CPNE4: variants seen among roughly 807,000 people sequenced by gnomAD.
CPNE4 encodes copine 4, also known as copine-4.
In CPNE4, 25 loss-of-function variants were observed where a neutral mutation model predicts 67.9. The ratio of observed to expected loss-of-function variants is 0.37; its 90% confidence interval spans 0.27 to 0.51. The LOEUF (loss-of-function observed/expected upper bound fraction) is 0.51. Ranked by LOEUF, CPNE4 falls within the 20% of genes least tolerant of loss-of-function variation. The pLI is 0.93. For synonymous variants in CPNE4, 242 were observed against 244.9 expected (o/e 0.99, Z 0.11); for missense variants, 464 against 690.8 (o/e 0.67, Z 3.68).
intron 1 of CPNE4, among the ~76,000 whole-genome samples, chr3:131,966,318 G>A (rs150059301): frequency 0.023 from 3,517 of 152,032 alleles, 135 homozygotes; most frequent in African/African-American, 0.079. Flanking sequence ...AAGAACTAGA[G>A]AAGCAAGAGC....
At chr3:131,793,684 C>A (rs1458061162) in intron 2 of CPNE4, among the ~76,000 whole-genome samples, 1 of 152,192 alleles carries the variant, frequency 6.6e-6, no homozygotes, top group Non-Finnish European at 1.5e-5. Context: ...GCTATTTCCT[C>A]TTTCTGGAAT....
At chr3:131,851,397 C>T (rs1353800076) in intron 2 of CPNE4, among the ~76,000 whole-genome samples, 3 of 151,768 alleles carry the variant, frequency 2.0e-5, no homozygotes, top group African/African-American at 4.8e-5. Flanking sequence ...CAGTTGGGCA[C>T]AGGAAATATA....
intron 7 of CPNE4, among the ~76,000 whole-genome samples, chr3:131,655,894 C>A (rs1455426721): frequency 6.6e-6 from 1 of 152,070 alleles, no homozygotes; most frequent in African/African-American, 2.4e-5. Flanking sequence ...TTCAAAGAAG[C>A]AAAGTACTAA....
chr3:131,542,408 G>C (rs1458497377), intron 15 of CPNE4, 149 bp downstream of exon 15: 4 of 684,930 alleles, frequency 5.8e-6, no homozygotes, highest in African/African-American at 3.5e-5. Context: ...GCTAAGCCAG[G>C]TCATCTCCCA....
chr3:131,549,110 T>A (rs1036510591), intron 14 of CPNE4, among the ~76,000 whole-genome samples: 1 of 152,126 alleles, frequency 6.6e-6, no homozygotes, highest in African/African-American at 2.4e-5. Flanking sequence ...AATTCAGAGA[T>A]GTGCTCAAGT....
chr3:131,808,145 ACT>A (rs1460133291), intron 2 of CPNE4, among the ~76,000 whole-genome samples: 2 of 152,064 alleles, frequency 1.3e-5, no homozygotes, highest in Non-Finnish European at 2.9e-5. Context: ...AGGTATAAGG[ACT>A]CTACCCCAGA....
intron 1 of CPNE4, among the ~76,000 whole-genome samples, chr3:131,918,734 C>T (rs984482086): frequency 6.6e-6 from 1 of 152,058 alleles, no homozygotes; most frequent in African/African-American, 2.4e-5. Context: ...TGTAACAGGA[C>T]ATTTTAGAGC....
At chr3:131,760,246 G>T (rs2082854248) in intron 2 of CPNE4, among the ~76,000 whole-genome samples, 1 of 152,122 alleles carries the variant, frequency 6.6e-6, no homozygotes, top group Non-Finnish European at 1.5e-5. Flanking sequence ...ATTATGAGAG[G>T]AAAGAAGACT....
At chr3:131,927,824 G>A (rs2070940669) in intron 1 of CPNE4, among the ~76,000 whole-genome samples, 1 of 152,184 alleles carries the variant, frequency 6.6e-6, no homozygotes, top group African/African-American at 2.4e-5. Context: ...GGACATAGAA[G>A]TAGCTGGATC....
intron 1 of CPNE4, among the ~76,000 whole-genome samples, chr3:131,975,587 C>T (rs1265957515): frequency 6.6e-6 from 1 of 152,108 alleles, no homozygotes; most frequent in Non-Finnish European, 1.5e-5. Flanking sequence ...TTCTGCAGGC[C>T]CTGAATGCCT....
intron 1 of CPNE4, among the ~76,000 whole-genome samples, chr3:132,005,372 C>CAT (rs1190299225): frequency 4.3e-5 from 2 of 46,974 alleles, no homozygotes; most frequent in Admixed American, 2.4e-4. Context: ...CACACACACA[C>CAT]ATATATGTTT....
upstream of CPNE4, among the ~76,000 whole-genome samples, chr3:132,036,186 A>G (rs1329752138): frequency 6.6e-6 from 1 of 152,322 alleles, no homozygotes; most frequent in East Asian, 1.9e-4. Flanking sequence ...CTAAACATGG[A>G]CCCTGGAAAG....
intron 14 of CPNE4, among the ~76,000 whole-genome samples, chr3:131,548,782 G>A (rs1936014154): frequency 1.3e-5 from 2 of 152,106 alleles, no homozygotes; most frequent in Non-Finnish European, 2.9e-5. Flanking sequence ...GCCATATCAG[G>A]GAATTTAGAT....
At chr3:131,753,802 A>G (rs1249661688) in intron 2 of CPNE4, among the ~76,000 whole-genome samples, 1 of 152,150 alleles carries the variant, frequency 6.6e-6, no homozygotes, top group Non-Finnish European at 1.5e-5. Flanking sequence ...AGCACCAAAG[A>G]TTACTCATAC....
chr3:131,897,020 C>T (rs2088364403), intron 2 of CPNE4, among the ~76,000 whole-genome samples: 2 of 152,050 alleles, frequency 1.3e-5, no homozygotes, highest in Non-Finnish European at 2.9e-5. Flanking sequence ...GCAGGAATAT[C>T]AATACCACGT....
intron 1 of CPNE4, among the ~76,000 whole-genome samples, chr3:132,021,145 C>G (rs2073987029): frequency 6.6e-6 from 1 of 152,142 alleles, no homozygotes; most frequent in South Asian, 2.1e-4. Flanking sequence ...TTACGTTTGC[C>G]TCATCACCTC....
At chr3:131,771,982 A>T (rs1224870458) in intron 2 of CPNE4, among the ~76,000 whole-genome samples, 1 of 152,162 alleles carries the variant, frequency 6.6e-6, no homozygotes, top group Non-Finnish European at 1.5e-5. Flanking sequence ...AATTAATTTT[A>T]AGAGAGTTAT....
intron 2 of CPNE4, among the ~76,000 whole-genome samples, chr3:131,762,865 T>C (rs1560262103): frequency 1.3e-5 from 2 of 149,772 alleles, no homozygotes; most frequent in African/African-American, 2.4e-5. Context: ...AGGTTTATTA[T>C]GGTTTTTTTT....
intron 3 of CPNE4, among the ~76,000 whole-genome samples, chr3:131,717,427 T>C (rs2081726681): frequency 6.6e-6 from 1 of 152,168 alleles, no homozygotes; most frequent in African/African-American, 2.4e-5. Context: ...ACTCTAATAT[T>C]AGCAGCTATC....
Sources: allele counts gnomAD v4.1 joint callset (sites outside exome capture counted in the v4.1 genomes callset), GRCh38; gene constraint gnomAD v4.1.1; transcripts MANE v1.5; gene names NCBI Gene and HGNC (gene_info 2026-07-23, HGNC 2026-07-21).